The following KIAA0825 variants were observed in gnomAD, a reference collection of about 807,000 sequenced individuals.
KIAA0825 encodes the protein uncharacterized protein KIAA0825.
Under a neutral mutation model 147.6 loss-of-function variants are expected in KIAA0825, and 119 were observed. The ratio of observed to expected loss-of-function variants is 0.81; its 90% confidence interval spans 0.69 to 0.94. The LOEUF is 0.94. Among genes scored for constraint, KIAA0825 ranks in the 40% least tolerant of loss-of-function variants. KIAA0825 has a pLI of 0.00. For missense variants in KIAA0825, 1,381 were observed against 1,472.7 expected (o/e 0.94, Z 1.02); for synonymous variants, 470 against 518.1 (o/e 0.91, Z 1.26).
chr5:94,565,438 T>C (rs1778541186), intron 2 of KIAA0825, among the ~76,000 whole-genome samples: 1 of 151,476 alleles, frequency 6.6e-6, no homozygotes. Flanking sequence ...GCCTCCCAGG[T>C]TGAGGCAATT....
In KIAA0825 at chr5:94,417,381, C is replaced by A; in HGVS notation, c.2498-16G>T. ...GAAACTTGTTCTTGAAAGGTACGTT[C>A]TTGAAAGGAATCAAAATGATTTAGT... On this transcript the variant is annotated splice_polypyrimidine_tract_variant and intron_variant, in intron 14 of 20. Coordinates refer to ENST00000682413, the MANE Select transcript of KIAA0825 (RefSeq NM_001145678.3). The A allele has an allele frequency of 6.5e-7, 1 of 1,533,624 alleles. No individual in the cohort carries two copies. Among genetic ancestry groups the A allele is most frequent in the South Asian group, 1.2e-5 (1 of 83,098 alleles).
At chr5:94,238,837 TG>T (rs1775201656) in intron 20 of KIAA0825, among the ~76,000 whole-genome samples, 1 of 152,126 alleles carries the variant, frequency 6.6e-6, no homozygotes. Context: ...GACATTTAAA[TG>T]GGAGGGAATA....
At chr5:94,234,699 C>G (rs1043134571) in intron 20 of KIAA0825, among the ~76,000 whole-genome samples, 2 of 151,990 alleles carry the variant, frequency 1.3e-5, no homozygotes, top group Non-Finnish European at 2.9e-5. Context: ...CTTAAATGAC[C>G]AGATCTTGTG....
At chr5:94,459,685 T>C (rs1759566802) in intron 12 of KIAA0825, among the ~76,000 whole-genome samples, 1 of 152,132 alleles carries the variant, frequency 6.6e-6, no homozygotes, top group South Asian at 2.1e-4. Context: ...CTGATGACCC[T>C]ATCCTCTGCA....
chr5:94,475,894 T>C (rs539577736), intron 7 of KIAA0825, among the ~76,000 whole-genome samples: 2 of 152,302 alleles, frequency 1.3e-5, no homozygotes, highest in African/African-American at 2.4e-5. Context: ...TTATGAAATA[T>C]AGTTTGCTTA....
intron 5 of KIAA0825, among the ~76,000 whole-genome samples, chr5:94,489,887 CAA>C (rs747717616): frequency 3.0e-3 from 176 of 58,128 alleles, no homozygotes; most frequent in Middle Eastern, 0.01. Context: ...GACTCTGTCT[CAA>C]AAAAAAAAAA....
intron 20 of KIAA0825, among the ~76,000 whole-genome samples, chr5:94,313,452 T>A (rs188248348): frequency 4.0e-5 from 6 of 151,822 alleles, no homozygotes; most frequent in Admixed American, 3.9e-4. Flanking sequence ...TCAAATGCCA[T>A]ACATTTAAAG....
intron 20 of KIAA0825, among the ~76,000 whole-genome samples, chr5:94,250,731 C>A (rs1486726112): frequency 3.3e-5 from 5 of 152,084 alleles, no homozygotes; most frequent in Admixed American, 2.6e-4. Flanking sequence ...GCATGCAAAT[C>A]ATCTTTTTTG....
intron 13 of KIAA0825, among the ~76,000 whole-genome samples, chr5:94,452,513 A>G (rs1562510852): frequency 6.6e-6 from 1 of 152,214 alleles, no homozygotes. Flanking sequence ...CATACTTTAA[A>G]TGATTTTTCT....
At chr5:94,238,930 A>G (rs764975680) in intron 20 of KIAA0825, among the ~76,000 whole-genome samples, 15 of 152,176 alleles carry the variant, frequency 9.9e-5, no homozygotes, top group Non-Finnish European at 2.1e-4. Context: ...ACTGTGGCAC[A>G]TTTGTGCCAC....
chr5:94,508,923 C>A (rs2151154474), intron 5 of KIAA0825, among the ~76,000 whole-genome samples: 1 of 152,312 alleles, frequency 6.6e-6, no homozygotes, highest in Non-Finnish European at 1.5e-5. Context: ...ATGCCCAACT[C>A]TGTTGGGAAT....
chr5:94,395,735 C>T (rs888444842), intron 17 of KIAA0825, among the ~76,000 whole-genome samples: 11 of 152,126 alleles, frequency 7.2e-5, no homozygotes, highest in African/African-American at 2.4e-4. Context: ...TTAATTTAAT[C>T]TCCATGCCCA....
At chr5:94,352,957 C>T (rs957389631) in intron 20 of KIAA0825, among the ~76,000 whole-genome samples, 2 of 152,048 alleles carry the variant, frequency 1.3e-5, no homozygotes, top group Non-Finnish European at 2.9e-5. Context: ...GGCTACAAGA[C>T]TACAAATATG....
intron 2 of KIAA0825, among the ~76,000 whole-genome samples, chr5:94,551,339 G>A (rs973974399): frequency 1.3e-5 from 2 of 152,118 alleles, no homozygotes; most frequent in Middle Eastern, 3.4e-3. Context: ...TGGGAGAGAC[G>A]TGAACATCCA....
chr5:94,390,347 C>T (rs1278635757), intron 18 of KIAA0825, among the ~76,000 whole-genome samples: 1 of 152,150 alleles, frequency 6.6e-6, no homozygotes, highest in Admixed American at 6.5e-5. Context: ...TTACTTTGGC[C>T]AATCCGAATG....
chr5:94,235,061 A>T (rs1402387397), intron 20 of KIAA0825, among the ~76,000 whole-genome samples: 2 of 152,022 alleles, frequency 1.3e-5, no homozygotes, highest in African/African-American at 4.8e-5. Flanking sequence ...CCCATTAATA[A>T]CCTTACAATT....
intron 20 of KIAA0825, among the ~76,000 whole-genome samples, chr5:94,274,541 G>A (rs1032349801): frequency 6.6e-6 from 1 of 152,084 alleles, no homozygotes; most frequent in Non-Finnish European, 1.5e-5. Context: ...GGAGCTTACA[G>A]AATAGCAAGT....
chr5:94,285,051 A>G (rs1358194648), intron 20 of KIAA0825, among the ~76,000 whole-genome samples: 1 of 152,118 alleles, frequency 6.6e-6, no homozygotes, highest in Admixed American at 6.6e-5. Flanking sequence ...AATAATACAG[A>G]ACAACTAAAA....
intron 17 of KIAA0825, among the ~76,000 whole-genome samples, chr5:94,394,257 C>T (rs1277649731): frequency 6.6e-6 from 1 of 152,146 alleles, no homozygotes; most frequent in East Asian, 1.9e-4. Context: ...CTTTAAAAAA[C>T]TATGCCAAAA....
Sources: allele counts gnomAD v4.1 joint callset (sites outside exome capture counted in the v4.1 genomes callset), GRCh38; gene constraint gnomAD v4.1.1; transcripts MANE v1.5; gene names NCBI Gene and HGNC (gene_info 2026-07-23, HGNC 2026-07-21).